The following CNTNAP2 variants were observed in gnomAD, a reference collection of about 807,000 sequenced individuals.
CNTNAP2 encodes the protein contactin-associated protein-like 2.
Under a neutral mutation model 155.2 loss-of-function variants are expected in CNTNAP2, and 98 were observed. The ratio of observed to expected loss-of-function variants is 0.63; its 90% CI spans 0.54 to 0.75. The LOEUF is 0.75. CNTNAP2 is among the 30% of genes least tolerant of loss of function. The pLI, the probability that CNTNAP2 is intolerant of heterozygous loss-of-function variation, is 0.00. For missense variants in CNTNAP2, 1,727 were observed against 1,688.1 expected, an observed-to-expected ratio of 1.02 and a Z score of -0.40; for synonymous variants, 651 against 631.2, an observed-to-expected ratio of 1.03 and a Z score of -0.47.
intron 3 of CNTNAP2, among the ~76,000 whole-genome samples, chr7:146,967,443 A>G (rs1797681141): frequency 6.6e-6 from 1 of 152,218 alleles, no homozygotes; most frequent in Non-Finnish European, 1.5e-5. Context: ...ACCCATGAGC[A>G]TGGAATGTTC....
At chr7:147,019,188 C>T (rs1041961805) in intron 3 of CNTNAP2, among the ~76,000 whole-genome samples, 6 of 152,032 alleles carry the variant, frequency 3.9e-5, no homozygotes, top group Admixed American at 3.3e-4. Flanking sequence ...AAATATATCA[C>T]TAAGGAAGTA....
At chr7:147,992,086 T>TTA (rs1801719237) in intron 15 of CNTNAP2, among the ~76,000 whole-genome samples, 1 of 117,638 alleles carries the variant, frequency 8.5e-6, no homozygotes, top group African/African-American at 3.6e-5. Flanking sequence ...TATTACTACC[T>TTA]CTTTTTTTTT....
chr7:146,856,297 G>GATAC (rs71165043), intron 3 of CNTNAP2, among the ~76,000 whole-genome samples: 2,158 of 116,568 alleles, frequency 0.019, 31 homozygotes, highest in Admixed American at 0.025. Flanking sequence ...TAGATAGATA[G>GATAC]ATACATACAT....
chr7:146,897,933 T>TTA (rs1367721180), intron 3 of CNTNAP2, among the ~76,000 whole-genome samples: 4 of 152,146 alleles, frequency 2.6e-5, no homozygotes, highest in Non-Finnish European at 5.9e-5. Flanking sequence ...TAAGGAATGT[T>TTA]TATATATATT....
At chr7:146,940,502 T>G (rs1289287790) in intron 3 of CNTNAP2, among the ~76,000 whole-genome samples, 3 of 152,204 alleles carry the variant, frequency 2.0e-5, no homozygotes, top group South Asian at 4.1e-4. Flanking sequence ...CCCTTATTTT[T>G]TTAACAGAGT....
chr7:148,277,161 T>C (rs1271643804), intron 21 of CNTNAP2, among the ~76,000 whole-genome samples: 1 of 152,156 alleles, frequency 6.6e-6, no homozygotes, highest in African/African-American at 2.4e-5. Flanking sequence ...AATGATACCG[T>C]GGGCAGGGAG....
At chr7:147,163,014 C>T (rs1469763942) in intron 8 of CNTNAP2, among the ~76,000 whole-genome samples, 1 of 152,086 alleles carries the variant, frequency 6.6e-6, no homozygotes, top group African/African-American at 2.4e-5. Context: ...ACATGCAGTG[C>T]CCTAGGCCAA....
At chr7:147,853,024 T>A (rs139486528) in intron 13 of CNTNAP2, among the ~76,000 whole-genome samples, 1 of 152,288 alleles carries the variant, frequency 6.6e-6, no homozygotes, top group Non-Finnish European at 1.5e-5. Flanking sequence ...ATTTAAATTC[T>A]CCAGGAAGAA....
intron 10 of CNTNAP2, among the ~76,000 whole-genome samples, chr7:147,397,119 A>T (rs1483158394): frequency 1.3e-5 from 2 of 152,068 alleles, no homozygotes; most frequent in Non-Finnish European, 2.9e-5. Context: ...TCACATGTTT[A>T]TAAGAAGACT....
chr7:146,503,935 C>A (rs980044195), intron 1 of CNTNAP2, among the ~76,000 whole-genome samples: 1 of 152,194 alleles, frequency 6.6e-6, no homozygotes, highest in Non-Finnish European at 1.5e-5. Flanking sequence ...TTATTCTCTT[C>A]CCCTCCTATA....
chr7:147,089,339 G>T lies in CNTNAP2; in HGVS notation c.551-18808G>T, dbSNP rs76733294. The stretch of plus-strand genomic sequence containing the variant: ...CTCTGTTTGTCAATGTCTATAAATG[G>T]TCTCTTTGCAAGGCTTCTCATGCTA... On this transcript the variant is annotated intron_variant, in intron 4 of 23. Coordinates refer to ENST00000361727, the MANE Select transcript of CNTNAP2 (RefSeq NM_014141.6). Among the ~76,000 whole-genome samples, 489 of 152,110 alleles carry T rather than the reference G, an allele frequency of 3.2e-3. 14 individuals are homozygous for T. Among genetic ancestry groups the T allele is most frequent in the East Asian group, 5.8e-3 (30 of 5,142 alleles).
intron 1 of CNTNAP2, among the ~76,000 whole-genome samples, chr7:146,142,081 T>G (rs1797889454): frequency 6.6e-6 from 1 of 152,180 alleles, no homozygotes; most frequent in African/African-American, 2.4e-5. Flanking sequence ...CTCACCATAT[T>G]GCAATTAACT....
chr7:146,401,614 T>C (rs1365310678), intron 1 of CNTNAP2, among the ~76,000 whole-genome samples: 1 of 152,214 alleles, frequency 6.6e-6, no homozygotes, highest in East Asian at 1.9e-4. Context: ...ATCTTTATGG[T>C]TTACTTTCTG....
chr7:146,893,209 A>AT (rs1795814083), intron 3 of CNTNAP2, among the ~76,000 whole-genome samples: 1 of 151,922 alleles, frequency 6.6e-6, no homozygotes, highest in Non-Finnish European at 1.5e-5. Flanking sequence ...GAGCTATTTC[A>AT]TTTTTTCCTA....
At chr7:148,056,918 G>A (rs1803023735) in intron 15 of CNTNAP2, among the ~76,000 whole-genome samples, 1 of 152,118 alleles carries the variant, frequency 6.6e-6, no homozygotes, top group East Asian at 1.9e-4. Context: ...AACTTTTAGA[G>A]CCCAATCCTC....
chr7:148,035,518 A>G (rs1802557686), intron 15 of CNTNAP2, among the ~76,000 whole-genome samples: 1 of 152,152 alleles, frequency 6.6e-6, no homozygotes, highest in Admixed American at 6.5e-5. Context: ...TCCAGAAAGT[A>G]TAAGGGTAAT....
At chr7:146,342,575 T>C (rs1385731158) in intron 1 of CNTNAP2, among the ~76,000 whole-genome samples, 2 of 152,192 alleles carry the variant, frequency 1.3e-5, no homozygotes, top group Admixed American at 6.6e-5. Context: ...GGTAAAAAAC[T>C]TGCAACAAAA....
intron 15 of CNTNAP2, among the ~76,000 whole-genome samples, chr7:148,059,449 G>A (rs2116508571): frequency 6.6e-6 from 1 of 151,996 alleles, no homozygotes; most frequent in Admixed American, 6.6e-5. Context: ...AAATTATCCG[G>A]GTGTGGTGGT....
Position 148,388,648 on chromosome 7 carries a change from C to CCTAT in CNTNAP2, c.3715+4763_3715+4766dup, listed in dbSNP as rs555821486. On this transcript the variant is annotated intron_variant, in intron 22 of 23. Coordinates refer to ENST00000361727, the MANE Select transcript of CNTNAP2 (RefSeq NM_014141.6). The stretch of plus-strand genomic sequence containing the variant: ...TCCAGTTTTTCTGCTCTGTTTTTTC[C>CCTAT]CTATCTTTGTGGTTTTATCTACTTT... Among the ~76,000 whole-genome samples the CCTAT allele has an allele frequency of 6.5e-4, 99 of 151,996 alleles. 1 individual carries two copies. The highest frequency in any genetic ancestry group is 2.2e-3 in the African/African-American group (91 of 41,432).
Sources: allele counts gnomAD v4.1 joint callset (sites outside exome capture counted in the v4.1 genomes callset), GRCh38; gene constraint gnomAD v4.1.1; transcripts MANE v1.5; gene names NCBI Gene and HGNC (gene_info 2026-07-23, HGNC 2026-07-21).